Variants in NRXN3 observed in about 807,000 individuals in gnomAD.
The protein encoded by NRXN3 is neurexin 3.
NRXN3 carries 32 observed loss-of-function variants against 137.6 expected under a neutral mutation model. The ratio of observed to expected loss-of-function variants is 0.23; its 90% CI spans 0.18 to 0.31. The LOEUF is 0.31. Among genes scored for constraint, NRXN3 ranks in the 10% least tolerant of loss-of-function variants. The probability of loss-of-function intolerance (pLI) is 1.00; values close to 1 mark genes in which losing one functional copy is unlikely to be tolerated. For missense variants in NRXN3, 1,574 were observed against 2,062.5 expected, an observed-to-expected ratio of 0.76 and a Z score of 4.59; for synonymous variants, 798 against 784.5, an observed-to-expected ratio of 1.02 and a Z score of -0.29.
At chr14:78,185,976 G>A (rs73322215) in intron 1 of NRXN3, among the ~76,000 whole-genome samples, 1,893 of 152,278 alleles carry the variant, frequency 0.012, 47 homozygotes, top group East Asian at 0.094. Context: ...GGTGCATGGG[G>A]TGGCTTGTTC....
intron 16 of NRXN3, among the ~76,000 whole-genome samples, chr14:79,506,234 A>G (rs900273722): frequency 3.9e-5 from 6 of 152,232 alleles, no homozygotes; most frequent in African/African-American, 1.4e-4. Context: ...ATGACTACCA[A>G]GAAGCAGGAT....
intron 15 of NRXN3, among the ~76,000 whole-genome samples, chr14:79,430,685 A>G (rs2095737772): frequency 6.6e-6 from 1 of 152,202 alleles, no homozygotes; most frequent in African/African-American, 2.4e-5. Context: ...GCTCACTGCA[A>G]TAGGAAGGTG....
chr14:79,097,961 T>G (rs942303933), intron 15 of NRXN3, among the ~76,000 whole-genome samples: 10 of 152,136 alleles, frequency 6.6e-5, no homozygotes, highest in African/African-American at 2.4e-4. Context: ...TATATTAGTC[T>G]CCTACAGCTG....
At chr14:78,901,692 T>C (rs1437279103) in intron 10 of NRXN3, among the ~76,000 whole-genome samples, 2 of 151,942 alleles carry the variant, frequency 1.3e-5, no homozygotes, top group South Asian at 2.1e-4. Flanking sequence ...CCTGGTCACT[T>C]TCCTTCCTTG....
intron 4 of NRXN3, among the ~76,000 whole-genome samples, chr14:78,442,600 A>T (rs1289576766): frequency 2.6e-5 from 4 of 152,224 alleles, no homozygotes; most frequent in Non-Finnish European, 5.9e-5. Context: ...GAAAGGGAAG[A>T]CAGGGAGAGG....
chr14:78,993,545 G>A (rs951329685), intron 15 of NRXN3, among the ~76,000 whole-genome samples: 5 of 152,156 alleles, frequency 3.3e-5, no homozygotes, highest in Non-Finnish European at 7.4e-5. Flanking sequence ...TATGTAAGAA[G>A]TTCACTTGTA....
At chr14:78,274,389 C>G (rs1026242481) in intron 2 of NRXN3, among the ~76,000 whole-genome samples, 6 of 152,154 alleles carry the variant, frequency 3.9e-5, no homozygotes, top group Non-Finnish European at 5.9e-5. Flanking sequence ...GGGGGAAAAG[C>G]CCCTTATAAA....
At chr14:78,993,512 C>T (rs1419388850) in intron 15 of NRXN3, among the ~76,000 whole-genome samples, 2 of 152,210 alleles carry the variant, frequency 1.3e-5, no homozygotes, top group African/African-American at 4.8e-5. Flanking sequence ...TTTTCAGACT[C>T]TACCTGCCCA....
intron 4 of NRXN3, among the ~76,000 whole-genome samples, chr14:78,638,855 C>G (rs2097589038): frequency 6.6e-6 from 1 of 152,194 alleles, no homozygotes; most frequent in Non-Finnish European, 1.5e-5. Context: ...CCCCTCCATC[C>G]CCCAGGAATG....
At chr14:78,902,790 A>T (rs1280651211) in intron 10 of NRXN3, among the ~76,000 whole-genome samples, 1 of 151,838 alleles carries the variant, frequency 6.6e-6, no homozygotes, top group Non-Finnish European at 1.5e-5. Context: ...ATACTAAATG[A>T]TTACAATTAC....
chr14:79,019,225 A>G (rs2099584708), intron 15 of NRXN3, among the ~76,000 whole-genome samples: 1 of 152,154 alleles, frequency 6.6e-6, no homozygotes, highest in Admixed American at 6.5e-5. Context: ...TGACTGGTCT[A>G]GAGGGTGAGA....
At chr14:78,658,498 G>C (rs1357036087) in intron 6 of NRXN3, among the ~76,000 whole-genome samples, 1 of 152,174 alleles carries the variant, frequency 6.6e-6, no homozygotes, top group Non-Finnish European at 1.5e-5. Context: ...ACCACTTACT[G>C]CTCTTCACCA....
At chr14:79,634,495 T>C (rs2098387916) in intron 16 of NRXN3, among the ~76,000 whole-genome samples, 1 of 152,220 alleles carries the variant, frequency 6.6e-6, no homozygotes, top group South Asian at 2.1e-4. Context: ...TTTGATACCA[T>C]GTTGCTTTTG....
chr14:78,194,611 A>G (rs1280821136), intron 1 of NRXN3, among the ~76,000 whole-genome samples: 2 of 152,096 alleles, frequency 1.3e-5, no homozygotes, highest in African/African-American at 4.8e-5. Context: ...ATGGTTGCCT[A>G]GGGCCTTGGG....
chr14:79,515,343 T>A (rs903370876), intron 16 of NRXN3, among the ~76,000 whole-genome samples: 17 of 150,568 alleles, frequency 1.1e-4, no homozygotes, highest in Non-Finnish European at 2.2e-4. Flanking sequence ...GCCAGAATTT[T>A]ATTTGTGTTC....
At chr14:78,775,956 C>T (rs868288484) in intron 8 of NRXN3, among the ~76,000 whole-genome samples, 1 of 152,112 alleles carries the variant, frequency 6.6e-6, no homozygotes, top group Middle Eastern at 3.2e-3. Context: ...CTCTGTCCTA[C>T]CCAGGGTATG....
At position 79,866,282 on chromosome 14, in the gene NRXN3, T is replaced by A. The variant is rs1489006941; in HGVS notation, c.*4318T>A. The A allele has an allele frequency of 6.6e-6, 1 of 152,168 alleles. No homozygotes were observed. Among genetic ancestry groups the A allele is most frequent in the Non-Finnish European group, 1.5e-5 (1 of 68,036 alleles). The allele number at this position is 152,168 out of a possible 1,614,324, so 9.4% of individuals were successfully genotyped here. On this transcript the variant is annotated 3_prime_UTR_variant, in exon 21 of 21. Coordinates refer to ENST00000335750, the MANE Select transcript of NRXN3 (RefSeq NM_001330195.2). The stretch of plus-strand genomic sequence containing the variant: ...CTATTGAATATTTACTAAATGATTA[T>A]GGGATATTAAATTGAGAGCCTTGGG...
At chr14:79,548,756 A>C (rs1337903232) in intron 16 of NRXN3, among the ~76,000 whole-genome samples, 1 of 151,542 alleles carries the variant, frequency 6.6e-6, no homozygotes, top group African/African-American at 2.4e-5. Context: ...TTAAAAAAAA[A>C]AAAAACAAAA....
At chr14:79,818,225 TTG>T (rs2099258688) in intron 20 of NRXN3, among the ~76,000 whole-genome samples, 2 of 151,980 alleles carry the variant, frequency 1.3e-5, no homozygotes, top group Non-Finnish European at 2.9e-5. Flanking sequence ...GGCTAATTTT[TTG>T]TGTTTTTAGT....
Sources: allele counts gnomAD v4.1 joint callset (sites outside exome capture counted in the v4.1 genomes callset), GRCh38; gene constraint gnomAD v4.1.1; transcripts MANE v1.5; gene names NCBI Gene and HGNC (gene_info 2026-07-23, HGNC 2026-07-21).